Variants in SCLT1 observed in about 807,000 individuals in gnomAD.
SCLT1 encodes sodium channel-associated protein 1.
A neutral mutation model predicts 112.8 loss-of-function variants in SCLT1; 78 were observed. The ratio of observed to expected loss-of-function variants is 0.69; its 90% confidence interval spans 0.58 to 0.83. The LOEUF (loss-of-function observed/expected upper bound fraction) is 0.83. Ranked by LOEUF, SCLT1 falls within the 40% of genes least tolerant of loss-of-function variation. The probability of loss-of-function intolerance (pLI) is 0.00; values close to 1 mark genes in which losing one functional copy is unlikely to be tolerated. For synonymous variants in SCLT1, 257 were observed against 254.7 expected (o/e 1.01, Z -0.09); for missense variants, 747 against 770.4 (o/e 0.97, Z 0.36).
chr4:129,057,341 G>C (rs1337960025), intron 2 of SCLT1, among the ~76,000 whole-genome samples: 4 of 151,384 alleles, frequency 2.6e-5, no homozygotes, highest in Non-Finnish European at 5.9e-5. Flanking sequence ...CTGGCCTTGT[G>C]GGATACATTT....
At chr4:129,034,640 A>G (rs1747024840) in intron 5 of SCLT1, among the ~76,000 whole-genome samples, 1 of 151,726 alleles carries the variant, frequency 6.6e-6, no homozygotes, top group South Asian at 2.1e-4. Flanking sequence ...AAAACTTTTT[A>G]GTGACTGTTA....
At chr4:129,022,743 C>A (rs1243503511) in intron 5 of SCLT1, among the ~76,000 whole-genome samples, 1 of 152,178 alleles carries the variant, frequency 6.6e-6, no homozygotes, top group Non-Finnish European at 1.5e-5. Context: ...TCCAGGAGAA[C>A]TTCCCCAACC....
chr4:128,893,107 G>A (rs550367514), intron 18 of SCLT1, among the ~76,000 whole-genome samples: 2 of 152,202 alleles, frequency 1.3e-5, no homozygotes, highest in East Asian at 3.9e-4. Context: ...AAGAAGAAAC[G>A]ATGAACACAT....
chr4:128,959,912 A>T, intron 11 of SCLT1, 135 bp from the exon 12 acceptor site: 2 of 666,370 alleles, frequency 3.0e-6, no homozygotes, highest in South Asian at 3.8e-5. Flanking sequence ...TTTGATACTC[A>T]TTACCCTTCT....
At chr4:129,017,013 T>C (rs1381606203) in intron 5 of SCLT1, among the ~76,000 whole-genome samples, 1 of 152,258 alleles carries the variant, frequency 6.6e-6, no homozygotes, top group Non-Finnish European at 1.5e-5. Context: ...GTGTTCTGCA[T>C]ACCATTTTGG....
chr4:128,889,816 A>G (rs1323077011), intron 19 of SCLT1, among the ~76,000 whole-genome samples: 2 of 152,248 alleles, frequency 1.3e-5, no homozygotes, highest in African/African-American at 4.8e-5. Context: ...AGATAATAAT[A>G]CAAGCCTAAT....
At chr4:128,993,889 G>A (rs2126072124) in intron 8 of SCLT1, among the ~76,000 whole-genome samples, 1 of 151,840 alleles carries the variant, frequency 6.6e-6, no homozygotes, top group South Asian at 2.1e-4. Context: ...CAAACCTATG[G>A]GAAATGTAAA....
At chr4:129,080,128 G>A (rs1554005372) in intron 2 of SCLT1, among the ~76,000 whole-genome samples, 1 of 152,216 alleles carries the variant, frequency 6.6e-6, no homozygotes, top group Non-Finnish European at 1.5e-5. Flanking sequence ...GTGATGGTAG[G>A]GGCTGTGGTG....
At chr4:129,016,057 G>T (rs1344168490) in intron 5 of SCLT1, among the ~76,000 whole-genome samples, 1 of 151,370 alleles carries the variant, frequency 6.6e-6, no homozygotes, top group Non-Finnish European at 1.5e-5. Flanking sequence ...CATTTCCATT[G>T]TATTTTTTCA....
At chr4:128,970,973 T>TA (rs1740639000) in intron 9 of SCLT1, 1 of 152,168 alleles carries the variant, frequency 6.6e-6, no homozygotes, top group South Asian at 2.1e-4. Context: ...TGTTCCACCA[T>TA]AATACAATGT....
At chr4:128,918,446 T>C (rs141252072) in intron 18 of SCLT1, among the ~76,000 whole-genome samples, 15 of 152,282 alleles carry the variant, frequency 9.9e-5, no homozygotes, top group African/African-American at 3.6e-4. Flanking sequence ...ATCTCAGAGT[T>C]TGAAGACTGG....
chr4:129,057,050 T>A (rs1284829745), intron 2 of SCLT1, among the ~76,000 whole-genome samples: 1 of 152,210 alleles, frequency 6.6e-6, no homozygotes, highest in Non-Finnish European at 1.5e-5. Context: ...CAAGAAGATA[T>A]GTTGAATTTT....
intron 16 of SCLT1, 27 bp from the exon 17 acceptor site, chr4:128,943,215 T>A (rs761835393): frequency 6.7e-7 from 1 of 1,486,646 alleles, no homozygotes; most frequent in Non-Finnish European, 9.2e-7. Context: ...ATGAAAAGAA[T>A]CCTTAAACTT....
intron 2 of SCLT1, among the ~76,000 whole-genome samples, chr4:129,046,203 A>C (rs1748162058): frequency 6.6e-6 from 1 of 152,094 alleles, no homozygotes; most frequent in African/African-American, 2.4e-5. Flanking sequence ...ACGTGTCTTC[A>C]TTTTGCACAG....
intron 9 of SCLT1, among the ~76,000 whole-genome samples, chr4:128,977,904 A>G (rs927542207): frequency 2.0e-5 from 3 of 152,094 alleles, no homozygotes; most frequent in Non-Finnish European, 4.4e-5. Context: ...ATTGCGATGG[A>G]ATAAGAGTGA....
chr4:129,058,465 T>C lies in SCLT1; in HGVS notation c.103-14414A>G, dbSNP rs1480435340. Among the ~76,000 whole-genome samples the C allele has an allele frequency of 3.9e-5, 6 of 152,338 alleles. No homozygotes were observed. In the South Asian group the frequency reaches 1.0e-3, roughly 26 times the overall value. On this transcript the variant is annotated intron_variant, in intron 2 of 20. Transcript: ENST00000281142. ...CAAATTTCCTTCTTAATTTCTTCAT[T>C]GACCTATTGGTCATTCAAGAGCATG...
chr4:129,008,375 T>C (rs1744216780), intron 5 of SCLT1, among the ~76,000 whole-genome samples: 1 of 152,228 alleles, frequency 6.6e-6, no homozygotes, highest in Non-Finnish European at 1.5e-5. Flanking sequence ...TTCTATCACA[T>C]CTGTTGAAAA....
intron 6 of SCLT1, among the ~76,000 whole-genome samples, chr4:129,000,392 T>C (rs1743371783): frequency 6.6e-6 from 1 of 152,016 alleles, no homozygotes; most frequent in African/African-American, 2.4e-5. Flanking sequence ...TTACTTGCCA[T>C]TTTATAATGA....
chr4:129,059,737 A>C (rs1186699242), intron 2 of SCLT1, among the ~76,000 whole-genome samples: 1 of 152,106 alleles, frequency 6.6e-6, no homozygotes, highest in Non-Finnish European at 1.5e-5. Context: ...AGATTCTTTT[A>C]TATGTGACTT....
Sources: allele counts gnomAD v4.1 joint callset (sites outside exome capture counted in the v4.1 genomes callset), GRCh38; gene constraint gnomAD v4.1.1; transcripts MANE v1.5; gene names NCBI Gene and HGNC (gene_info 2026-07-23, HGNC 2026-07-21).